Variants in RAB11FIP4 observed in about 807,000 individuals in gnomAD.
RAB11FIP4 encodes the protein rab11 family-interacting protein 4.
In RAB11FIP4, 23 loss-of-function variants were observed where a neutral mutation model predicts 74.3. The ratio of observed to expected loss-of-function variants is 0.31; its 90% CI spans 0.22 to 0.44. The LOEUF (loss-of-function observed/expected upper bound fraction) is 0.44. RAB11FIP4 is among the 20% of genes least tolerant of loss of function. The pLI, the probability that RAB11FIP4 is intolerant of heterozygous loss-of-function variation, is 1.00. For synonymous variants in RAB11FIP4, 360 were observed against 359.9 expected (o/e 1.00, Z 0.00); for missense variants, 630 against 863.9 (o/e 0.73, Z 3.39).
At chr17:31,474,778 G>T (rs1220398515) in intron 3 of RAB11FIP4, among the ~76,000 whole-genome samples, 1 of 151,894 alleles carries the variant, frequency 6.6e-6, no homozygotes, top group Non-Finnish European at 1.5e-5. Flanking sequence ...GGAGGTGGAG[G>T]TTGCAGTGAG....
At chr17:31,436,874 G>A (rs1167735121) in intron 3 of RAB11FIP4, among the ~76,000 whole-genome samples, 3 of 151,196 alleles carry the variant, frequency 2.0e-5, no homozygotes, top group Admixed American at 6.6e-5. Flanking sequence ...TGCAAGCTCC[G>A]CCTCCCGGGT....
rs1211014198 is a variant in RAB11FIP4, at chr17:31,392,003, G to A, written c.151G>A (p.Gly51Ser). Residue 51 changes from glycine (G) to serine (S), a missense_variant, in exon 1 of 15, where the codon GGC (glycine) becomes AGC (serine). Transcript: ENST00000621161. The stretch of plus-strand genomic sequence containing the variant: ...GGCGCTCGGACTGCGCTTCGGCCAG[G>A]GCGAGGAGGTAAGCTGGCCCGACCC... ...VAALGLRFGQ[G>S]EEVEKLVKYL... 6 of 1,327,090 alleles carry A rather than the reference G, an allele frequency of 4.5e-6. No homozygotes were observed. Among genetic ancestry groups the A allele is most frequent in the Non-Finnish European group, 2.9e-6 (3 of 1,039,358 alleles). The allele number at this position is 1,327,090 out of a possible 1,614,324, so 82.2% of individuals were successfully genotyped here.
intron 3 of RAB11FIP4, among the ~76,000 whole-genome samples, chr17:31,510,316 AC>A (rs2072428280): frequency 6.6e-6 from 1 of 152,170 alleles, no homozygotes; most frequent in South Asian, 2.1e-4. Context: ...AGCCCTGGCA[AC>A]CGCTGGACTC....
At chr17:31,457,056 A>G (rs953914122) in intron 3 of RAB11FIP4, among the ~76,000 whole-genome samples, 1 of 152,224 alleles carries the variant, frequency 6.6e-6, no homozygotes, top group Non-Finnish European at 1.5e-5. Flanking sequence ...ATGCAGGCCA[A>G]CCTGTCCTCC....
chr17:31,489,673 T>C (rs2071969579), intron 3 of RAB11FIP4, among the ~76,000 whole-genome samples: 1 of 152,182 alleles, frequency 6.6e-6, no homozygotes, highest in African/African-American at 2.4e-5. Context: ...GCCCAGCTCT[T>C]CTAAGTTGAT....
At chr17:31,399,864 T>C (rs975022935) in intron 1 of RAB11FIP4, among the ~76,000 whole-genome samples, 1 of 151,216 alleles carries the variant, frequency 6.6e-6, no homozygotes, top group Non-Finnish European at 1.5e-5. Context: ...GCCAACATGG[T>C]GAAACTTGTC....
rs796977244 is a variant in RAB11FIP4, at chr17:31,523,681, G to A, written c.1029+70G>A. Reference sequence around the variant, plus strand: ...CCCAGGGGAGATGGGGTGCACTCAGGCTACTGTCTGGGGACTTGGGAGACC... The same window carrying A: ...CCCAGGGGAGATGGGGTGCACTCAGACTACTGTCTGGGGACTTGGGAGACC... On this transcript the variant is annotated intron_variant, in intron 8 of 14. Transcript: ENST00000621161. The A allele has an allele frequency of 8.3e-6, 12 of 1,441,396 alleles. No homozygotes were observed. In the African/African-American group the frequency reaches 1.5e-4, roughly 18 times the overall value. The allele number at this position is 1,441,396 out of a possible 1,614,324, so 89.3% of individuals were successfully genotyped here. A position where few individuals can be genotyped will look rare whatever the true frequency, so the allele number is the denominator to read the frequency against.
intron 3 of RAB11FIP4, among the ~76,000 whole-genome samples, chr17:31,439,583 A>G (rs895596614): frequency 2.0e-5 from 3 of 151,972 alleles, no homozygotes; most frequent in Non-Finnish European, 4.4e-5. Context: ...TTCCTTATTG[A>G]TTTATAAGAA....
chr17:31,413,115 A>G (rs2071113844), intron 1 of RAB11FIP4, among the ~76,000 whole-genome samples: 1 of 152,160 alleles, frequency 6.6e-6, no homozygotes, highest in African/African-American at 2.4e-5. Flanking sequence ...TTTCTGGGGA[A>G]TGGAGGGAGG....
chr17:31,454,060 C>T (rs1017491901), intron 3 of RAB11FIP4, among the ~76,000 whole-genome samples: 1 of 151,294 alleles, frequency 6.6e-6, no homozygotes, highest in Non-Finnish European at 1.5e-5. Flanking sequence ...AGCCCCTGGG[C>T]ATTCTCAAGA....
intron 3 of RAB11FIP4, among the ~76,000 whole-genome samples, chr17:31,442,902 G>A (rs1189422059): frequency 2.0e-5 from 3 of 151,504 alleles, no homozygotes; most frequent in Non-Finnish European, 4.4e-5. Flanking sequence ...GGAGGTTGCA[G>A]TGAGCTGAGA....
intron 3 of RAB11FIP4, among the ~76,000 whole-genome samples, chr17:31,441,233 C>A (rs178856): frequency 0.045 from 6,894 of 152,146 alleles, 234 homozygotes; most frequent in Non-Finnish European, 0.07. Flanking sequence ...ACTACGTTGG[C>A]CAGGCTGGTC....
chr17:31,413,104 T>C (rs1458058183), intron 1 of RAB11FIP4, among the ~76,000 whole-genome samples: 4 of 152,164 alleles, frequency 2.6e-5, no homozygotes, highest in African/African-American at 9.7e-5. Flanking sequence ...GGTTAACTCA[T>C]TTTCTGGGGA....
intron 1 of RAB11FIP4, among the ~76,000 whole-genome samples, chr17:31,418,833 CT>C (rs34902164): frequency 2.6e-5 from 4 of 152,056 alleles, no homozygotes; most frequent in African/African-American, 9.7e-5. Flanking sequence ...GTAAAATTCG[CT>C]TTTTGGGGGT....
chr17:31,490,880 C>T (rs2071994491), intron 3 of RAB11FIP4, among the ~76,000 whole-genome samples: 1 of 152,234 alleles, frequency 6.6e-6, no homozygotes, highest in Admixed American at 6.5e-5. Flanking sequence ...CTGTTCGTGC[C>T]TGCTGTCTGG....
chr17:31,441,957 A>G (rs2071410358), intron 3 of RAB11FIP4, among the ~76,000 whole-genome samples: 2 of 152,142 alleles, frequency 1.3e-5, no homozygotes, highest in East Asian at 3.8e-4. Flanking sequence ...TCACATGAAG[A>G]CAACCAAATT....
chr17:31,523,683 T>C, intron 8 of RAB11FIP4, 72 bp downstream of exon 8: 1 of 1,439,564 alleles, frequency 6.9e-7, no homozygotes, highest in Middle Eastern at 1.7e-4. Flanking sequence ...GCACTCAGGC[T>C]ACTGTCTGGG....
intron 3 of RAB11FIP4, among the ~76,000 whole-genome samples, chr17:31,505,618 A>AAT (rs1293899708): frequency 8.6e-5 from 3 of 34,788 alleles, no homozygotes; most frequent in Admixed American, 4.9e-4. Context: ...AATTATATAT[A>AAT]ATATATAATT....
intron 3 of RAB11FIP4, among the ~76,000 whole-genome samples, chr17:31,440,560 G>A (rs1200143565): frequency 6.6e-6 from 1 of 152,214 alleles, no homozygotes; most frequent in Non-Finnish European, 1.5e-5. Flanking sequence ...CCCGAGGTCA[G>A]GAGTTCAAGA....
Sources: gnomAD v4.1 joint callset for allele counts (sites outside exome capture counted in the v4.1 genomes callset) on GRCh38, gnomAD v4.1.1 for gene constraint, MANE v1.5 for transcripts, NCBI Gene and HGNC (gene_info 2026-07-23, HGNC 2026-07-21) for gene names.